Variants in ADAMTS9 observed in about 807,000 individuals in gnomAD.
The protein encoded by ADAMTS9 is A disintegrin and metalloproteinase with thrombospondin motifs 9.
A neutral mutation model predicts 257.1 loss-of-function variants in ADAMTS9; 107 were observed. That is an observed-to-expected ratio of 0.42 (90% CI 0.36 to 0.49). ADAMTS9 has a LOEUF of 0.49. Among genes scored for constraint, ADAMTS9 ranks in the 20% least tolerant of loss-of-function variants. The probability of loss-of-function intolerance (pLI) is 0.03; values close to 1 mark genes in which losing one functional copy is unlikely to be tolerated. For synonymous variants in ADAMTS9, 982 were observed against 880.9 expected, an observed-to-expected ratio of 1.11 and a Z score of -2.03; for missense variants, 2,353 against 2,469.1, an observed-to-expected ratio of 0.95 and a Z score of 1.00.
chr3:64,671,176 GT>G (rs1428751824), intron 3 of ADAMTS9, among the ~76,000 whole-genome samples: 1 of 152,174 alleles, frequency 6.6e-6, no homozygotes, highest in Non-Finnish European at 1.5e-5. Context: ...TATCCATTCA[GT>G]GGAATACAGC....
intron 26 of ADAMTS9, 34 bp from the exon 27 acceptor site, chr3:64,597,025 T>C (rs1344306541): frequency 6.2e-7 from 1 of 1,607,246 alleles, no homozygotes; most frequent in Non-Finnish European, 8.5e-7. Context: ...AATCCCCACC[T>C]CAATCTCCAT....
chr3:64,585,565 A>C (rs1311403622), intron 28 of ADAMTS9, among the ~76,000 whole-genome samples: 3 of 152,158 alleles, frequency 2.0e-5, no homozygotes, highest in Admixed American at 6.5e-5. Context: ...ATCACATTTT[A>C]GTAAATTTTA....
chr3:64,613,585 G>A (rs886123527), intron 21 of ADAMTS9, 76 bp from the exon 22 acceptor site: 8 of 1,432,618 alleles, frequency 5.6e-6, no homozygotes, highest in African/African-American at 1.4e-5. Context: ...TTATTGATGA[G>A]TAGGAACAGG....
chr3:64,620,877 T>C (rs1487206451), intron 19 of ADAMTS9, among the ~76,000 whole-genome samples: 2 of 152,246 alleles, frequency 1.3e-5, no homozygotes, highest in Non-Finnish European at 2.9e-5. Context: ...TGAATTTTTT[T>C]TGGCAAGTGC....
Position 64,551,042 on chromosome 3 carries a change from T to A in ADAMTS9, c.4719A>T (p.Glu1573Asp), listed in dbSNP as rs374660210. Reference sequence around the variant, plus strand: ...ACACCACCTTGCGGTACCTGGAGCCTTCGCCGCAGGTCTTGGTGCACTGTT... The same window carrying A: ...ACACCACCTTGCGGTACCTGGAGCCATCGCCGCAGGTCTTGGTGCACTGTT... Reference protein sequence around the residue: ...EWQECTKTCGEGSRYRKVVCV... With the variant: ...EWQECTKTCGDGSRYRKVVCV... The change falls in exon 31 of 40, where the codon GAA becomes GAT. Residue 1573 changes from glutamate to aspartate, a missense_variant. By Grantham distance (45) the Glu-to-Asp change is conservative. Coordinates refer to ENST00000498707, the MANE Select transcript of ADAMTS9 (RefSeq NM_182920.2). The A allele has an allele frequency of 7.4e-6, 12 of 1,614,048 alleles. No homozygotes were observed. Among genetic ancestry groups the A allele is most frequent in the Non-Finnish European group, 1.0e-5 (12 of 1,180,022 alleles).
intron 29 of ADAMTS9, among the ~76,000 whole-genome samples, chr3:64,562,761 G>T (rs1285096445): frequency 6.6e-6 from 1 of 152,150 alleles, no homozygotes; most frequent in Non-Finnish European, 1.5e-5. Context: ...ATAGAATCAT[G>T]ACCTTTCAAA....
intron 26 of ADAMTS9, among the ~76,000 whole-genome samples, chr3:64,599,793 A>G (rs1423221146): frequency 6.6e-6 from 1 of 152,236 alleles, no homozygotes; most frequent in Non-Finnish European, 1.5e-5. Flanking sequence ...GTTTTTAGAA[A>G]TAAGGTTTTA....
intron 30 of ADAMTS9, among the ~76,000 whole-genome samples, chr3:64,555,459 A>G (rs951659416): frequency 2.0e-5 from 3 of 152,020 alleles, no homozygotes; most frequent in African/African-American, 7.2e-5. Flanking sequence ...ATGGCTTCGT[A>G]CCCTGTCTCT....
intron 3 of ADAMTS9, among the ~76,000 whole-genome samples, chr3:64,677,892 C>T (rs1002560427): frequency 6.6e-6 from 1 of 152,226 alleles, no homozygotes; most frequent in Non-Finnish European, 1.5e-5. Context: ...AGAAACGGAA[C>T]TGTAGACTCC....
At chr3:64,633,640 T>C in intron 13 of ADAMTS9, 32 bp from the exon 14 acceptor site, 1 of 1,614,030 alleles carries the variant, frequency 6.2e-7, no homozygotes, top group Non-Finnish European at 8.5e-7. Flanking sequence ...ACTTGACTTT[T>C]GTGCCTGGCC....
chr3:64,601,885 T>A, intron 26 of ADAMTS9, 59 bp downstream of exon 26: 1 of 1,527,524 alleles, frequency 6.5e-7, no homozygotes, highest in Non-Finnish European at 8.8e-7. Flanking sequence ...TCTAGTCTCT[T>A]TTACCCTAAA....
chr3:64,576,973 G>A lies in ADAMTS9; in HGVS notation c.4357-8438C>T, dbSNP rs368314538. 3.9e-5 allele frequency among the ~76,000 whole-genome samples: 6 copies of A among 152,220 alleles called. No individual in the cohort carries two copies. In the East Asian group the frequency reaches 5.8e-4, roughly 15 times the overall value. On this transcript the variant is annotated intron_variant, in intron 28 of 39. Coordinates refer to ENST00000498707, the MANE Select transcript of ADAMTS9 (RefSeq NM_182920.2). ...CCCCCAGGAATATGGGGGACAGGGC[G>A]CTCCAGTTCCCCAACCTTCGATCTC...
chr3:64,664,268 T>G (rs1655230782), intron 3 of ADAMTS9, among the ~76,000 whole-genome samples: 1 of 152,200 alleles, frequency 6.6e-6, no homozygotes, highest in Admixed American at 6.5e-5. Context: ...GATTAATTTT[T>G]AATATTAGTT....
At chr3:64,647,631 G>T (rs1031025077) in intron 11 of ADAMTS9, among the ~76,000 whole-genome samples, 1 of 152,092 alleles carries the variant, frequency 6.6e-6, no homozygotes, top group African/African-American at 2.4e-5. Context: ...ACACAATCTC[G>T]CATTAAATGT....
chr3:64,551,992 G>A (rs754749335), intron 30 of ADAMTS9, among the ~76,000 whole-genome samples: 68 of 152,176 alleles, frequency 4.5e-4, no homozygotes, highest in Non-Finnish European at 6.6e-4. Context: ...GCCCTGTGAC[G>A]GGTCCTGGGT....
Position 64,522,181 on chromosome 3 carries a change from C to T in ADAMTS9, c.5798G>A (p.Arg1933Gln), listed in dbSNP as rs17070905. 7.9e-3 allele frequency: 12,801 copies of T among 1,613,902 alleles called. 485 individuals are homozygous for T. The Admixed American group carries it at 0.082, about 10-fold the overall frequency. Residue 1933 changes from arginine to glutamine, a missense_variant, in exon 39 of 40, where the codon CGA becomes CAA. Arg to Gln is a conservative substitution (Grantham distance 43). Around this residue, in one of 3 missense-constraint regions of ADAMTS9, gnomAD observed 1,402 missense variants for 1,441.4 expected, o/e 0.97. Transcript: ENST00000498707. Reference protein sequence around the residue: ...TPSSGTGLEVRVL With the variant: ...TPSSGTGLEVQVL ...GACTACTTACCTTAGCTATAAAACT[C>T]GCACCTCCAGGCCAGTACCAGAGGA...
chr3:64,593,960 G>GAT (rs1553707055), intron 28 of ADAMTS9, among the ~76,000 whole-genome samples: 2 of 69,322 alleles, frequency 2.9e-5, no homozygotes, highest in Middle Eastern at 6.6e-3. Flanking sequence ...GTGTGTGTAT[G>GAT]ATGTGTGTGT....
intron 23 of ADAMTS9, among the ~76,000 whole-genome samples, chr3:64,605,731 T>G (rs1422490403): frequency 6.6e-6 from 1 of 152,186 alleles, no homozygotes; most frequent in Non-Finnish European, 1.5e-5. Context: ...CACCAGCTTC[T>G]TGAGAAAAAA....
chr3:64,551,796 C>T (rs749737254), intron 30 of ADAMTS9, among the ~76,000 whole-genome samples: 3 of 152,196 alleles, frequency 2.0e-5, no homozygotes, highest in Non-Finnish European at 2.9e-5. Context: ...TTTGTATGTT[C>T]CAGGCCCCTG....
Sources: gnomAD v4.1 joint callset for allele counts (sites outside exome capture counted in the v4.1 genomes callset) on GRCh38, gnomAD v4.1.1 for gene constraint, gnomAD v4.1.1 regional missense constraint, MANE v1.5 for transcripts, NCBI Gene and HGNC (gene_info 2026-07-23, HGNC 2026-07-21) for gene names.